Variants in RORA observed in about 807,000 individuals in gnomAD.
RORA encodes RAR related orphan receptor A.
RORA carries 7 observed loss-of-function variants against 69.5 expected under a neutral mutation model. The observed-to-expected ratio is 0.10, with a 90% CI of 0.06 to 0.19. RORA has a LOEUF of 0.19. Among genes scored for constraint, RORA ranks in the 10% least tolerant of loss-of-function variants. The pLI is 1.00. For synonymous variants in RORA, 261 were observed against 240.8 expected (o/e 1.08, Z -0.78); for missense variants, 457 against 663.0 (o/e 0.69, Z 3.41).
At chr15:60,588,107 T>G (rs1384639313) in intron 2 of RORA, among the ~76,000 whole-genome samples, 4 of 152,208 alleles carry the variant, frequency 2.6e-5, no homozygotes, top group African/African-American at 9.7e-5. Flanking sequence ...AGGGTCTGTA[T>G]GTGGTCTTTG....
intron 5 of RORA, 151 bp from the exon 6 acceptor site, chr15:60,505,780 T>A: frequency 1.1e-6 from 1 of 896,600 alleles, no homozygotes; most frequent in Non-Finnish European, 1.7e-6. Flanking sequence ...AATTTGGAAC[T>A]GTTTTGTATT....
At chr15:60,613,892 T>C (rs1316154117) in intron 2 of RORA, among the ~76,000 whole-genome samples, 3 of 151,482 alleles carry the variant, frequency 2.0e-5, no homozygotes, top group African/African-American at 7.3e-5. Context: ...TGCTGCAACC[T>C]CAGTAGCCTT....
intron 1 of RORA, among the ~76,000 whole-genome samples, chr15:61,115,042 C>T (rs1025459031): frequency 2.0e-5 from 3 of 152,254 alleles, no homozygotes; most frequent in South Asian, 4.1e-4. Flanking sequence ...GAACATGTTG[C>T]GTGTACAGTA....
chr15:61,189,449 G>A (rs911805409), intron 1 of RORA, among the ~76,000 whole-genome samples: 1 of 152,140 alleles, frequency 6.6e-6, no homozygotes, highest in Non-Finnish European at 1.5e-5. Flanking sequence ...TAGCTGCTCT[G>A]CAGTAGATGA....
At chr15:61,081,757 G>A (rs1009182997) in intron 1 of RORA, among the ~76,000 whole-genome samples, 1 of 148,546 alleles carries the variant, frequency 6.7e-6, no homozygotes, top group African/African-American at 2.5e-5. Flanking sequence ...GCAGTGAGCC[G>A]AGATCACGCC....
intron 3 of RORA, among the ~76,000 whole-genome samples, chr15:60,527,738 A>G (rs1358315249): frequency 2.0e-5 from 3 of 152,212 alleles, no homozygotes; most frequent in South Asian, 2.1e-4. Context: ...ACCTTGGCAT[A>G]ATGGAGTCCT....
At chr15:61,167,249 C>A (rs1314146135) in intron 1 of RORA, among the ~76,000 whole-genome samples, 1 of 151,998 alleles carries the variant, frequency 6.6e-6, no homozygotes, top group Non-Finnish European at 1.5e-5. Context: ...TTTTTTCCTT[C>A]ATTACAAATC....
At chr15:61,034,581 G>A (rs1259007590) in intron 1 of RORA, among the ~76,000 whole-genome samples, 2 of 152,136 alleles carry the variant, frequency 1.3e-5, no homozygotes, top group Non-Finnish European at 2.9e-5. Context: ...GGAACTGCCA[G>A]TAGGGAGGAT....
At chr15:60,789,314 T>C (rs2072383269) in intron 1 of RORA, among the ~76,000 whole-genome samples, 1 of 152,182 alleles carries the variant, frequency 6.6e-6, no homozygotes, top group African/African-American at 2.4e-5. Context: ...CGAAGGAAAA[T>C]GCCCTCAAAC....
chr15:61,079,980 C>T (rs147657240), intron 1 of RORA, among the ~76,000 whole-genome samples: 1,635 of 152,266 alleles, frequency 0.011, 14 homozygotes, highest in Non-Finnish European at 0.015. Context: ...GAAGAAGTAG[C>T]AAATCCTGTA....
intron 1 of RORA, among the ~76,000 whole-genome samples, chr15:60,890,222 A>T (rs2073798725): frequency 6.6e-6 from 1 of 152,164 alleles, no homozygotes; most frequent in Admixed American, 6.5e-5. Context: ...TAACCCCCTT[A>T]TTTTACATGT....
rs2079363713 is a variant in RORA, at chr15:61,147,804, A to C, written c.166+81249T>G. ...GTGTGTGTGTGTGTGTGAAATCTTT[A>C]GGTTTTTTTACCTGCCTCCTTCACT... On this transcript the variant is annotated intron_variant, in intron 1 of 10. Transcript: ENST00000335670. This position sits in a 1 kb window ranked among gnomAD's most constrained non-coding sequence, Gnocchi z 4.1. Among the ~76,000 whole-genome samples the C allele has an allele frequency of 1.2e-5, 1 of 81,542 alleles. No homozygotes were observed. Among genetic ancestry groups the C allele is most frequent in the Admixed American group, 1.1e-4 (1 of 9,152 alleles). The allele number at this position is 81,542 out of a possible 152,430, so 53.5% of individuals were successfully genotyped here.
intron 1 of RORA, among the ~76,000 whole-genome samples, chr15:61,065,447 C>T (rs2078244407): frequency 6.6e-6 from 1 of 152,148 alleles, no homozygotes; most frequent in African/African-American, 2.4e-5. Context: ...TCCAACACTT[C>T]ATGATGCTTC....
intron 5 of RORA, among the ~76,000 whole-genome samples, chr15:60,510,946 T>A (rs1188455120): frequency 6.6e-6 from 1 of 152,170 alleles, no homozygotes; most frequent in African/African-American, 2.4e-5. Context: ...ATGAAGTTAA[T>A]GTAGCCATTT....
At chr15:60,981,012 T>A (rs1432149338) in intron 1 of RORA, among the ~76,000 whole-genome samples, 1 of 152,034 alleles carries the variant, frequency 6.6e-6, no homozygotes, top group Non-Finnish European at 1.5e-5. Context: ...ACAAACTATC[T>A]CAATTTTTAT....
At chr15:61,083,682 C>A (rs567403658) in intron 1 of RORA, among the ~76,000 whole-genome samples, 20 of 151,926 alleles carry the variant, frequency 1.3e-4, no homozygotes, top group African/African-American at 4.1e-4. Context: ...AAAAAAAAGC[C>A]CCCTCAGCTC....
At chr15:61,151,528 C>T (rs1015302031) in intron 1 of RORA, among the ~76,000 whole-genome samples, 1 of 152,210 alleles carries the variant, frequency 6.6e-6, no homozygotes, top group African/African-American at 2.4e-5. Context: ...TGCAACTCAT[C>T]CATCTGTTCA....
At chr15:60,669,802 A>ATT (rs2070437546) in intron 2 of RORA, among the ~76,000 whole-genome samples, 2 of 152,200 alleles carry the variant, frequency 1.3e-5, no homozygotes, top group Admixed American at 6.5e-5. Flanking sequence ...GAAATGGCAA[A>ATT]ATTTCATAGC....
intron 2 of RORA, among the ~76,000 whole-genome samples, chr15:60,677,496 T>G (rs1029968238): frequency 1.3e-5 from 2 of 151,992 alleles, no homozygotes; most frequent in African/African-American, 4.8e-5. Flanking sequence ...TTGAAGGCCA[T>G]GAGAGAGCCA....
Sources: gnomAD v4.1 joint callset for allele counts (sites outside exome capture counted in the v4.1 genomes callset) on GRCh38, gnomAD v4.1.1 for gene constraint, Gnocchi (gnomAD v3.1) non-coding constraint, MANE v1.5 for transcripts, NCBI Gene and HGNC (gene_info 2026-07-23, HGNC 2026-07-21) for gene names.